Variants in MYL12A observed in about 807,000 individuals in gnomAD.
MYL12A encodes the protein myosin light chain 12A, also known as myosin regulatory light chain 12A.
In MYL12A, 11 loss-of-function variants were observed where a neutral mutation model predicts 13.3. The observed-to-expected ratio is 0.83, with a 90% confidence interval of 0.52 to 1.37. The LOEUF (loss-of-function observed/expected upper bound fraction) is 1.37, where lower values mean the gene tolerates loss of function less well. Among genes scored for constraint, MYL12A ranks in the 40% most tolerant of loss-of-function variants. The pLI is 0.00. For missense variants in MYL12A, 146 were observed against 212.3 expected, an observed-to-expected ratio of 0.69 and a Z score of 1.94; for synonymous variants, 51 against 69.9, an observed-to-expected ratio of 0.73 and a Z score of 1.35.
At chr18:3,249,545 GTC>G (rs1192562223) in intron 1 of MYL12A, 1 of 152,154 alleles carries the variant, frequency 6.6e-6, no homozygotes, top group African/African-American at 2.4e-5. Context: ...TGTTCTGTAA[GTC>G]TCTCTACTTT....
At chr18:3,251,127 T>G (rs1475498500) in intron 1 of MYL12A, among the ~76,000 whole-genome samples, 1 of 151,194 alleles carries the variant, frequency 6.6e-6, no homozygotes, top group Non-Finnish European at 1.5e-5. Flanking sequence ...ATGAGGCCAT[T>G]GTCAGTGCTG....
intron 3 of MYL12A, among the ~76,000 whole-genome samples, 194 bp downstream of exon 3, chr18:3,254,244 G>A (rs2081516594): frequency 6.6e-6 from 1 of 152,142 alleles, no homozygotes. Context: ...TGAATAGGTT[G>A]TATTTGAAAC....
intron 1 of MYL12A, chr18:3,248,457 T>C (rs1218790746): frequency 1.3e-5 from 2 of 152,212 alleles, no homozygotes; most frequent in East Asian, 3.8e-4. Flanking sequence ...TAATACCTTG[T>C]CCCATTTGGG....
chr18:3,250,640 C>A (rs1416564461), intron 1 of MYL12A, among the ~76,000 whole-genome samples: 1 of 152,158 alleles, frequency 6.6e-6, no homozygotes, highest in Non-Finnish European at 1.5e-5. Flanking sequence ...CATTACACTG[C>A]CAGTTTTTGA....
intron 1 of MYL12A, chr18:3,252,352 A>G: frequency 1.3e-6 from 2 of 1,531,352 alleles, no homozygotes; most frequent in South Asian, 1.2e-5. Flanking sequence ...TTGTCTGATG[A>G]CTGAGATTTT....
intron 2 of MYL12A, 80 bp from the exon 3 acceptor site, chr18:3,253,809 G>T (rs942390601): frequency 2.1e-6 from 3 of 1,411,834 alleles, no homozygotes; most frequent in Middle Eastern, 1.8e-4. Flanking sequence ...GATAATCTTT[G>T]TTACCAAAAT....
At chr18:3,255,550 G>A in intron 3 of MYL12A, 196 bp from the exon 4 acceptor site, 1 of 584,968 alleles carries the variant, frequency 1.7e-6, no homozygotes, top group Non-Finnish European at 2.8e-6. Flanking sequence ...GAGCGGAGCA[G>A]TGCTGCTAAG....
chr18:3,251,906 T>G (rs2081489521), intron 1 of MYL12A, among the ~76,000 whole-genome samples: 1 of 152,226 alleles, frequency 6.6e-6, no homozygotes, highest in South Asian at 2.1e-4. Context: ...TTGTGGAATT[T>G]CCTATTAAAA....
chr18:3,247,495 G>T (rs112507400), upstream of MYL12A: 1,674 of 152,444 alleles, frequency 0.011, 37 homozygotes, highest in African/African-American at 0.038. Context: ...CCTTCGCCGT[G>T]CCCTGGAATG....
At chr18:3,255,279 C>CTTA (rs2081525433) in intron 3 of MYL12A, among the ~76,000 whole-genome samples, 1 of 152,208 alleles carries the variant, frequency 6.6e-6, no homozygotes, top group South Asian at 2.1e-4. Context: ...AAAATAGCTT[C>CTTA]TTAAAACTGG....
At chr18:3,251,549 C>G (rs1231748754) in intron 1 of MYL12A, among the ~76,000 whole-genome samples, 1 of 152,174 alleles carries the variant, frequency 6.6e-6, no homozygotes, top group African/African-American at 2.4e-5. Context: ...CAACCTCTTG[C>G]TCCAAGTCCT....
intron 3 of MYL12A, among the ~76,000 whole-genome samples, chr18:3,254,425 T>G (rs1361676963): frequency 6.6e-6 from 1 of 152,236 alleles, no homozygotes; most frequent in Non-Finnish European, 1.5e-5. Context: ...CAGGTATCTG[T>G]CAGCTCTCAA....
In MYL12A at chr18:3,253,353, G is replaced by A. The variant is rs201555784; in HGVS notation, c.106G>A (p.Ala36Thr). The change falls in exon 2 of 4, where the codon GCC becomes ACC. Residue 36 changes from alanine (A) to threonine (T), a missense_variant. Ala to Thr is a moderately conservative substitution (Grantham distance 58, BLOSUM62 0). Coordinates refer to ENST00000217652, the MANE Select transcript of MYL12A (RefSeq NM_006471.4). ...GTCACAGATTCAGGAGTTCAAAGAG[G>A]CCTTCAACATGATTGATCAGAACAG... ...DQSQIQEFKEAFNMIDQNRDG... is the reference protein window; with the variant it reads ...DQSQIQEFKETFNMIDQNRDG... 6.2e-6 allele frequency: 10 copies of A among 1,613,956 alleles called. No homozygotes were observed. The Admixed American group carries it at 1.7e-4, about 27-fold the overall frequency.
chr18:3,253,504 A>G, intron 2 of MYL12A, 76 bp downstream of exon 2: 16 of 1,511,036 alleles, frequency 1.1e-5, no homozygotes, highest in Non-Finnish European at 1.4e-5. Context: ...ATGAGTCTTA[A>G]AGCTCTGTAA....
chr18:3,253,719 T>G (rs1034945813), intron 2 of MYL12A, 170 bp from the exon 3 acceptor site: 3 of 761,664 alleles, frequency 3.9e-6, no homozygotes, highest in African/African-American at 1.8e-5. Context: ...TCCAGACTCT[T>G]TAATAGGCCC....
chr18:3,252,497 G>A (rs910642100), intron 1 of MYL12A: 51 of 1,253,086 alleles, frequency 4.1e-5, no homozygotes, highest in Non-Finnish European at 5.3e-5. Context: ...GAGAGCAAAG[G>A]TAGTTTCTAC....
intron 1 of MYL12A, chr18:3,249,954 G>C (rs1027295447): frequency 1.3e-5 from 2 of 152,024 alleles, no homozygotes; most frequent in African/African-American, 2.4e-5. Flanking sequence ...TGATTGAGGA[G>C]CTTCGTAATT....
intron 1 of MYL12A, chr18:3,249,404 C>G (rs770377343): frequency 5.9e-5 from 9 of 152,162 alleles, no homozygotes; most frequent in South Asian, 4.1e-4. Context: ...AAACCAGATT[C>G]ATTGCCACCA....
chr18:3,252,264 G>A, intron 1 of MYL12A: 3 of 1,395,182 alleles, frequency 2.2e-6, no homozygotes, highest in Non-Finnish European at 2.9e-6. Flanking sequence ...TCAATGCAGT[G>A]TCTTACTTTT....
Sources: gnomAD v4.1 joint callset for allele counts (sites outside exome capture counted in the v4.1 genomes callset) on GRCh38, gnomAD v4.1.1 for gene constraint, MANE v1.5 for transcripts, NCBI Gene and HGNC (gene_info 2026-07-23, HGNC 2026-07-21) for gene names.